The following LRRFIP1 variants were observed in gnomAD, a reference collection of about 807,000 sequenced individuals.
LRRFIP1 encodes leucine-rich repeat flightless-interacting protein 1.
LRRFIP1 carries 62 observed loss-of-function variants against 104.4 expected under a neutral mutation model. That is an observed-to-expected ratio of 0.59 (90% CI 0.48 to 0.73). The LOEUF (loss-of-function observed/expected upper bound fraction) is 0.73. Ranked by LOEUF, LRRFIP1 falls within the 30% of genes least tolerant of loss-of-function variation. The pLI, the probability that LRRFIP1 is intolerant of heterozygous loss-of-function variation, is 0.00. For missense variants in LRRFIP1, 796 were observed against 824.5 expected, an observed-to-expected ratio of 0.97 and a Z score of 0.42; for synonymous variants, 300 against 299.0, an observed-to-expected ratio of 1.00 and a Z score of -0.03.
At chr2:237,700,688 T>C (rs1219567139) in intron 1 of LRRFIP1, among the ~76,000 whole-genome samples, 1 of 152,216 alleles carries the variant, frequency 6.6e-6, no homozygotes. Context: ...CAGTCCTCTG[T>C]CCATTGGCCC....
chr2:237,747,776 A>G (rs2058068509), intron 11 of LRRFIP1, among the ~76,000 whole-genome samples: 1 of 152,122 alleles, frequency 6.6e-6, no homozygotes, highest in African/African-American at 2.4e-5. Flanking sequence ...TTTCCCAGAG[A>G]GTTTTTAGAC....
At chr2:237,647,586 C>T (rs1250936340) in intron 1 of LRRFIP1, among the ~76,000 whole-genome samples, 1 of 152,042 alleles carries the variant, frequency 6.6e-6, no homozygotes, top group African/African-American at 2.4e-5. Context: ...TGGCCGGGCA[C>T]TCGCTGCATG....
chr2:237,726,692 G>C (rs2094765734), intron 7 of LRRFIP1, among the ~76,000 whole-genome samples: 1 of 152,206 alleles, frequency 6.6e-6, no homozygotes, highest in African/African-American at 2.4e-5. Flanking sequence ...GGACCTGATG[G>C]CGTCTCCTTC....
rs2061406954 is a variant in LRRFIP1, at chr2:237,780,379, G to A, written c.*847G>A. On this transcript the variant is annotated 3_prime_UTR_variant, in exon 24 of 24. Coordinates refer to ENST00000308482, the MANE Select transcript of LRRFIP1 (RefSeq NM_001137550.2). ...TCTTTAATTTCATATTAATGGTTCT[G>A]TATATTTTGGGTCATCTTTTTATTT... The A allele has an allele frequency of 1.3e-5, 2 of 151,954 alleles. No homozygotes were observed. The highest frequency in any genetic ancestry group is 4.8e-5 in the African/African-American group (2 of 41,364). The allele number at this position is 151,954 out of a possible 1,614,324, so 9.4% of individuals were successfully genotyped here.
intron 1 of LRRFIP1, among the ~76,000 whole-genome samples, chr2:237,652,355 T>G (rs6431551): frequency 0.13 from 20,425 of 152,206 alleles, 1,870 homozygotes; most frequent in Non-Finnish European, 0.21. Flanking sequence ...AGGGCACCAG[T>G]GCCAGTGCCG....
intron 8 of LRRFIP1, among the ~76,000 whole-genome samples, chr2:237,728,171 T>C (rs1184908973): frequency 1.3e-5 from 2 of 152,234 alleles, no homozygotes; most frequent in African/African-American, 4.8e-5. Flanking sequence ...GGGGTAGATA[T>C]TGATAAGAAT....
At chr2:237,719,292 A>G (rs1331416967) in intron 4 of LRRFIP1, among the ~76,000 whole-genome samples, 1 of 152,262 alleles carries the variant, frequency 6.6e-6, no homozygotes, top group Non-Finnish European at 1.5e-5. Context: ...TTTTACAACA[A>G]AAATGAAGTA....
At chr2:237,767,029 G>A (rs2060288754) in intron 19 of LRRFIP1, among the ~76,000 whole-genome samples, 1 of 152,128 alleles carries the variant, frequency 6.6e-6, no homozygotes, top group Admixed American at 6.5e-5. Flanking sequence ...CAAACAATTA[G>A]CCAGGCATGG....
At chr2:237,694,031 A>C (rs2149792656) in intron 1 of LRRFIP1, among the ~76,000 whole-genome samples, 1 of 152,270 alleles carries the variant, frequency 6.6e-6, no homozygotes, top group South Asian at 2.1e-4. Context: ...AGAACCCAAT[A>C]AGCTTTGAAG....
intron 1 of LRRFIP1, among the ~76,000 whole-genome samples, chr2:237,634,763 TTC>T (rs1243825507): frequency 1.3e-5 from 2 of 152,268 alleles, no homozygotes; most frequent in African/African-American, 4.8e-5. Context: ...ATGATTTATT[TTC>T]TTTTTCATTG....
intron 1 of LRRFIP1, among the ~76,000 whole-genome samples, chr2:237,671,782 CTGTGTGTGTGCAGG>C (rs1393412822): frequency 1.3e-5 from 2 of 151,116 alleles, no homozygotes; most frequent in African/African-American, 2.4e-5. Context: ...GTGTGCATGC[CTGTGTGTGTGCAGG>C]TGTGTGTGTG....
chr2:237,690,943 C>T (rs1048903254), intron 1 of LRRFIP1, among the ~76,000 whole-genome samples: 3 of 149,894 alleles, frequency 2.0e-5, no homozygotes, highest in African/African-American at 7.6e-5. Context: ...TAGGCCTTTG[C>T]TCGGCCCCTC....
At position 237,735,539 on chromosome 2, in the gene LRRFIP1, A is replaced by C. The variant is rs2095215671; in HGVS notation, c.555+206A>C. 1 of 547,892 alleles carries C rather than the reference A, an allele frequency of 1.8e-6. No individual in the cohort carries two copies. Among genetic ancestry groups the C allele is most frequent in the Non-Finnish European group, 3.2e-6 (1 of 309,810 alleles). The allele number at this position is 547,892 out of a possible 1,614,324, so 33.9% of individuals were successfully genotyped here. A position where few individuals can be genotyped will look rare whatever the true frequency, so the allele number is the denominator to read the frequency against. On this transcript the variant is annotated intron_variant, in intron 10 of 23. Transcript: ENST00000308482. This position sits in a 1 kb window ranked among gnomAD's most constrained non-coding sequence, Gnocchi z 4.6. ...CTCTGGTTGTTGGTTTCATGTCCTC[A>C]CTCATCAGGGAGAGTAACTTGCACT...
In LRRFIP1 at chr2:237,717,023, T is replaced by C. The variant is rs1487824196; in HGVS notation, c.202-739T>C. 6.6e-6 allele frequency among the ~76,000 whole-genome samples: 1 copy of C among 152,218 alleles called. No individual in the cohort carries two copies. The highest frequency in any genetic ancestry group is 1.5e-5 in the Non-Finnish European group (1 of 68,040). On this transcript the variant is annotated intron_variant, in intron 3 of 23. Coordinates refer to ENST00000308482, the MANE Select transcript of LRRFIP1 (RefSeq NM_001137550.2). This position sits in a 1 kb window ranked among gnomAD's most constrained non-coding sequence, Gnocchi z 4.2. ...CATTATGAAATTTTTTTTGCAATTT[T>C]TTTTTTTTAGCTTATCAGCTATCGT... is the stretch of plus-strand genomic sequence containing the variant.
At chr2:237,764,846 C>T (rs2060154366) in intron 19 of LRRFIP1, 1 of 985,628 alleles carries the variant, frequency 1.0e-6, no homozygotes, top group South Asian at 4.7e-5. Flanking sequence ...GAGATTTTAA[C>T]TTCACTTCAT....
chr2:237,648,555 C>A (rs2085355569), intron 1 of LRRFIP1, among the ~76,000 whole-genome samples: 1 of 151,376 alleles, frequency 6.6e-6, no homozygotes, highest in Admixed American at 6.6e-5. Flanking sequence ...TAATGAGACC[C>A]CCATCTCTAC....
At chr2:237,746,684 G>A (rs547371936) in intron 11 of LRRFIP1, among the ~76,000 whole-genome samples, 2 of 152,248 alleles carry the variant, frequency 1.3e-5, no homozygotes, top group Non-Finnish European at 2.9e-5. Flanking sequence ...GCTGCAGATG[G>A]TATGGGCCAC....
At chr2:237,757,281 G>A (rs1448814465) in intron 16 of LRRFIP1, among the ~76,000 whole-genome samples, 175 bp from the exon 17 acceptor site, 1 of 152,176 alleles carries the variant, frequency 6.6e-6, no homozygotes, top group African/African-American at 2.4e-5. Flanking sequence ...ACTTCTTGAA[G>A]CCGGAAGTAG....
At chr2:237,647,849 C>CT (rs2085226616) in intron 1 of LRRFIP1, among the ~76,000 whole-genome samples, 1 of 151,926 alleles carries the variant, frequency 6.6e-6, no homozygotes, top group Non-Finnish European at 1.5e-5. Context: ...ACTCACTGCA[C>CT]GCAGGGTTTT....
Sources: gnomAD v4.1 joint callset for allele counts (sites outside exome capture counted in the v4.1 genomes callset) on GRCh38, gnomAD v4.1.1 for gene constraint, Gnocchi (gnomAD v3.1) non-coding constraint, MANE v1.5 for transcripts, NCBI Gene and HGNC (gene_info 2026-07-23, HGNC 2026-07-21) for gene names.